Variants in CYP4Z1 observed in about 807,000 individuals in gnomAD.
CYP4Z1 encodes the protein cytochrome P450 family 4 subfamily Z member 1, also known as cytochrome P450 4Z1.
Under a neutral mutation model 54.2 loss-of-function variants are expected in CYP4Z1, and 41 were observed. That is an observed-to-expected ratio of 0.76 (90% CI 0.59 to 0.98). CYP4Z1 has a LOEUF of 0.98. CYP4Z1 is among the 50% of genes least tolerant of loss of function. The pLI is 0.00. For synonymous variants in CYP4Z1, 163 were observed against 206.2 expected, an observed-to-expected ratio of 0.79 and a Z score of 1.79; for missense variants, 513 against 599.0, an observed-to-expected ratio of 0.86 and a Z score of 1.50.
intron 2 of CYP4Z1, among the ~76,000 whole-genome samples, chr1:47,076,819 T>C (rs1447983734): frequency 5.2e-5 from 6 of 115,554 alleles, no homozygotes; most frequent in Middle Eastern, 9.6e-3. Context: ...CACTCCAGCC[T>C]GGGCGACAGA....
At chr1:47,059,606 G>A in the CYP4Z1 span, among the ~76,000 whole-genome samples, 2 of 152,046 alleles carry the variant, frequency 1.3e-5, no homozygotes, top group Non-Finnish European at 2.9e-5. Flanking sequence ...ATCATGTCTG[G>A]TTTTGGCATA....
chr1:47,107,276 C>T (rs538833344), intron 9 of CYP4Z1, among the ~76,000 whole-genome samples: 1 of 152,186 alleles, frequency 6.6e-6, no homozygotes, highest in South Asian at 2.1e-4. Context: ...AAAACTTCAT[C>T]TCTGGTAAAT....
chr1:47,064,269 A>G (rs549958720), upstream of CYP4Z1, among the ~76,000 whole-genome samples: 44 of 152,000 alleles, frequency 2.9e-4, no homozygotes, highest in African/African-American at 1.0e-3. Context: ...TTTTTAGTAG[A>G]GATGGGGTTT....
chr1:47,096,097 C>G (rs890927803), intron 7 of CYP4Z1, among the ~76,000 whole-genome samples: 4 of 152,028 alleles, frequency 2.6e-5, no homozygotes, highest in African/African-American at 9.7e-5. Context: ...AAATAGAATT[C>G]CCAGGAACTA....
chr1:47,094,933 A>T (rs1644666162), intron 7 of CYP4Z1, among the ~76,000 whole-genome samples: 1 of 152,148 alleles, frequency 6.6e-6, no homozygotes. Flanking sequence ...GTTTGAACCC[A>T]GGAGGTGGTA....
the CYP4Z1 span, among the ~76,000 whole-genome samples, chr1:47,059,128 G>T: frequency 6.6e-6 from 1 of 152,080 alleles, no homozygotes; most frequent in Non-Finnish European, 1.5e-5. Context: ...AACATTGCCT[G>T]AGATTCATAA....
At chr1:47,104,974 G>T (rs531452221) in intron 8 of CYP4Z1, among the ~76,000 whole-genome samples, 65 of 152,132 alleles carry the variant, frequency 4.3e-4, no homozygotes, top group African/African-American at 1.5e-3. Context: ...GCAATGGCAC[G>T]ATCTAGGCTC....
intron 3 of CYP4Z1, among the ~76,000 whole-genome samples, chr1:47,081,590 C>T (rs1476031596): frequency 9.4e-5 from 12 of 127,198 alleles, no homozygotes; most frequent in African/African-American, 2.8e-4. Flanking sequence ...CGTGCATGGG[C>T]ACCTTCTCTC....
intron 6 of CYP4Z1, among the ~76,000 whole-genome samples, chr1:47,087,254 G>A (rs1480832844): frequency 6.6e-6 from 1 of 152,080 alleles, no homozygotes; most frequent in Admixed American, 6.6e-5. Flanking sequence ...AGCTTGATGG[G>A]GATGGCATTG....
At chr1:47,104,263 T>C (rs4926785) in intron 8 of CYP4Z1, among the ~76,000 whole-genome samples, 65,422 of 152,024 alleles carry the variant, frequency 0.43, 15,442 homozygotes, top group East Asian at 0.96. Flanking sequence ...GCTTAGCATG[T>C]GGTTGTTAGT....
chr1:47,097,180 T>C (rs558810176), intron 7 of CYP4Z1: 1 of 152,368 alleles, frequency 6.6e-6, no homozygotes, highest in Non-Finnish European at 1.5e-5. Flanking sequence ...CCATGGTGTA[T>C]ATGTACCACA....
chr1:47,063,377 C>G (rs1644433959), upstream of CYP4Z1, among the ~76,000 whole-genome samples: 1 of 151,872 alleles, frequency 6.6e-6, no homozygotes, highest in Non-Finnish European at 1.5e-5. Flanking sequence ...AGCAATGGAT[C>G]CAAACTAAGA....
At chr1:47,078,157 C>T (rs1396215423) in intron 2 of CYP4Z1, among the ~76,000 whole-genome samples, 2 of 152,218 alleles carry the variant, frequency 1.3e-5, no homozygotes, top group East Asian at 3.9e-4. Flanking sequence ...TCTGGGACTC[C>T]AATTATGCAT....
the CYP4Z1 span, among the ~76,000 whole-genome samples, chr1:47,060,690 A>G: frequency 3.3e-5 from 5 of 151,886 alleles, no homozygotes; most frequent in Admixed American, 1.3e-4. Context: ...TGAACTCAAC[A>G]GGACTAAATA....
At chr1:47,057,338 ATATATAT>A in the CYP4Z1 span, among the ~76,000 whole-genome samples, 728 of 72,602 alleles carry the variant, frequency 0.01, 68 homozygotes, top group East Asian at 0.031. Flanking sequence ...AAAAAAAAAT[ATATATAT>A]ATATATATAT....
the CYP4Z1 span, among the ~76,000 whole-genome samples, chr1:47,059,179 A>C: frequency 1.3e-5 from 2 of 152,152 alleles, no homozygotes; most frequent in Non-Finnish European, 2.9e-5. Context: ...TTGGCCAATA[A>C]ATTTTATTAA....
rs765497279 is a variant in CYP4Z1 at position 47,099,732 on chromosome 1, C to T, written c.1067+448C>T. ...CTTATCACCATCTCTGAACCTTAAACACTGCCACCCCACAATGATGATTAA... is the reference window on the plus strand; with the variant it reads ...CTTATCACCATCTCTGAACCTTAAATACTGCCACCCCACAATGATGATTAA... On this transcript the variant is annotated intron_variant, in intron 8 of 11. Coordinates refer to ENST00000334194, the MANE Select transcript of CYP4Z1 (RefSeq NM_178134.3). 6.6e-5 allele frequency among the ~76,000 whole-genome samples: 10 copies of T among 152,224 alleles called. No homozygotes were observed. In the East Asian group the frequency reaches 1.9e-3, roughly 29 times the overall value.
rs143895273 is a variant in CYP4Z1 at position 47,103,551 on chromosome 1, C to T, written c.1068-2577C>T. On this transcript the variant is annotated intron_variant, in intron 8 of 11. Coordinates refer to ENST00000334194, the MANE Select transcript of CYP4Z1 (RefSeq NM_178134.3). Reference sequence around the variant, plus strand: ...CTGACTTCTTTTTAGTGTTTTTCTGCATTCTCTTGTATCTCACCTTCTTCT... The same window carrying T: ...CTGACTTCTTTTTAGTGTTTTTCTGTATTCTCTTGTATCTCACCTTCTTCT... 9.1e-3 allele frequency among the ~76,000 whole-genome samples: 1,357 copies of T among 149,392 alleles called. 12 individuals are homozygous for T. Among genetic ancestry groups the T allele is most frequent in the South Asian group, 0.053 (245 of 4,662 alleles).
chr1:47,083,489 G>C (rs1644570047), intron 4 of CYP4Z1, among the ~76,000 whole-genome samples: 1 of 152,178 alleles, frequency 6.6e-6, no homozygotes, highest in African/African-American at 2.4e-5. Context: ...CAGAGATTAA[G>C]CAGTTTGTTC....
Sources: gnomAD v4.1 joint callset for allele counts (sites outside exome capture counted in the v4.1 genomes callset) on GRCh38, gnomAD v4.1.1 for gene constraint, MANE v1.5 for transcripts, NCBI Gene and HGNC (gene_info 2026-07-23, HGNC 2026-07-21) for gene names.